KRT23: variants seen among roughly 807,000 people sequenced by gnomAD.
KRT23 encodes keratin, type I cytoskeletal 23.
In KRT23, 38 loss-of-function variants were observed where a neutral mutation model predicts 47.6. The ratio of observed to expected loss-of-function variants is 0.80; its 90% CI spans 0.62 to 1.05. The LOEUF is 1.05. Ranked by LOEUF, KRT23 falls within the 50% of genes least tolerant of loss-of-function variation. KRT23 has a pLI of 0.00. For synonymous variants in KRT23, 191 were observed against 199.0 expected (o/e 0.96, Z 0.34); for missense variants, 503 against 529.5 (o/e 0.95, Z 0.49).
chr17:40,928,713 G>T, intron 4 of KRT23, 106 bp from the exon 5 acceptor site: 1 of 1,045,116 alleles, frequency 9.6e-7, no homozygotes, highest in Non-Finnish European at 1.4e-6. Flanking sequence ...TTCCGATTAT[G>T]TGGTTGCTCC....
At chr17:40,936,175 C>T (rs756857881) in intron 2 of KRT23, 33 bp downstream of exon 2, 1 of 1,612,946 alleles carries the variant, frequency 6.2e-7, no homozygotes, top group Non-Finnish European at 8.5e-7. Flanking sequence ...AAAGCAGCCC[C>T]ATCTGGATCT....
At position 40,922,700 on chromosome 17, in the gene KRT23, G is replaced by A. The variant is rs1908995799; in HGVS notation, c.*289C>T. On this transcript the variant is annotated 3_prime_UTR_variant, in exon 9 of 9. Transcript: ENST00000209718. Reference sequence around the variant, plus strand: ...TGATATTAAAAAAAGACACGATGCAGCTAGTGCGGAGTTTTATTGGCTACA... The same window carrying A: ...TGATATTAAAAAAAGACACGATGCAACTAGTGCGGAGTTTTATTGGCTACA... 3.7e-6 allele frequency: 1 copy of A among 270,736 alleles called. No homozygotes were observed. Among genetic ancestry groups the A allele is most frequent in the Admixed American group, 5.3e-5 (1 of 18,956 alleles). The allele number at this position is 270,736 out of a possible 1,614,324, so 16.8% of individuals were successfully genotyped here.
In KRT23 at chr17:40,928,335, G is replaced by T; in HGVS notation, c.824C>A (p.Ala275Asp). The T allele has an allele frequency of 6.2e-7, 1 of 1,614,204 alleles. No homozygotes were observed. The highest frequency in any genetic ancestry group is 8.5e-7 in the Non-Finnish European group (1 of 1,180,034). Reference sequence around the variant, plus strand: ...TCTGCTCTGCACAGTGGCTGGACTGGCTGCCTCCTGGGACATGGCTGCAGA... The same window carrying T: ...TCTGCTCTGCACAGTGGCTGGACTGTCTGCCTCCTGGGACATGGCTGCAGA... ...EQSAAMSQEA[A>D]SPATVQSRQG... The change falls in exon 6 of 9, where the codon GCC becomes GAC. Residue 275 changes from alanine (A) to aspartate (D), a missense_variant. By Grantham distance (126) the Ala-to-Asp change is moderately radical. Transcript: ENST00000209718.
intron 2 of KRT23, 27 bp downstream of exon 2, chr17:40,936,181 G>T (rs1910051344): frequency 1.2e-6 from 2 of 1,613,236 alleles, no homozygotes; most frequent in Non-Finnish European, 1.7e-6. Flanking sequence ...GCCCCATCTG[G>T]ATCTCCAGGG....
At chr17:40,928,057 C>A (rs1909339361) in intron 6 of KRT23, among the ~76,000 whole-genome samples, 181 bp downstream of exon 6, 2 of 152,124 alleles carry the variant, frequency 1.3e-5, no homozygotes, top group Admixed American at 1.3e-4. Context: ...TGCCTGGCAC[C>A]ATCGGGACAC....
intron 6 of KRT23, 123 bp downstream of exon 6, chr17:40,928,115 G>T: frequency 2.5e-6 from 3 of 1,221,064 alleles, no homozygotes; most frequent in Non-Finnish European, 2.3e-6. Context: ...AAACAATTTG[G>T]ATGGAAAGTG....
In KRT23 at chr17:40,922,790, A is replaced by G. The variant is rs1909001362; in HGVS notation, c.*199T>C. ...GGAAAGTAGAGCTTTACCCTCATAA[A>G]CTCGCACTTTGATTAGAAAAGTGCA... On this transcript the variant is annotated 3_prime_UTR_variant, in exon 9 of 9. Coordinates refer to ENST00000209718, the MANE Select transcript of KRT23 (RefSeq NM_015515.5). 4.1e-6 allele frequency: 2 copies of G among 485,320 alleles called. No individual in the cohort carries two copies. Among genetic ancestry groups the G allele is most frequent in the Admixed American group, 7.4e-5 (2 of 26,908 alleles). 30.1% of individuals were successfully genotyped at this position (485,320 alleles called of 1,614,324 possible).
In KRT23 at chr17:40,924,489, G is replaced by C. The variant is rs1288823404; in HGVS notation, c.1157C>G (p.Ser386Ter). 6.2e-7 allele frequency: 1 copy of C among 1,612,898 alleles called. No individual in the cohort carries two copies. The highest frequency in any genetic ancestry group is 1.7e-5 in the Admixed American group (1 of 59,980). The change falls in exon 8 of 9, where the codon TCA becomes TGA. Residue 386 changes from serine (S) to a stop codon, truncating the protein, a stop_gained. Coordinates refer to ENST00000209718, the MANE Select transcript of KRT23 (RefSeq NM_015515.5). LOFTEE classifies it high-confidence loss of function. Reference sequence around the variant, plus strand: ...TTTTTTACCTTTCATGCTCGACTTTGATTCTTCCCGTGTCCTATAAAAGTG... The same window carrying C: ...TTTTTTACCTTTCATGCTCGACTTTCATTCTTCCCGTGTCCTATAAAAGTG... ...EGESEGTREE[S>*]KSSMKVSATP...
rs747642252 is a variant in KRT23, at chr17:40,925,329, C to A, written c.1142+25G>T. The A allele has an allele frequency of 4.4e-6, 7 of 1,599,504 alleles. No individual in the cohort carries two copies. The East Asian group carries it at 1.3e-4, about 31-fold the overall frequency. On this transcript the variant is annotated intron_variant, in intron 7 of 8. Transcript: ENST00000209718. ...AGGAGCTGGAGGTCCCTCGCATGCTCCTCTCGTGCCAGCCTTTGCCTTACC... is the reference window on the plus strand; with the variant it reads ...AGGAGCTGGAGGTCCCTCGCATGCTACTCTCGTGCCAGCCTTTGCCTTACC...
Position 40,930,050 on chromosome 17 carries a change from C to T in KRT23, c.526G>A (p.Glu176Lys), listed in dbSNP as rs1354811042. ...SFKKDLEIEV[E>K]GLRRTLDNLT... ...TTGTCTAAGGTCCTTCGGAGGCCCT[C>T]GACTTCAATTTCCAAGTCTTTCTTA... The change falls in exon 4 of 9, where the codon GAG becomes AAG. Residue 176 changes from glutamate (E) to lysine (K), a missense_variant. Transcript: ENST00000209718. The T allele has an allele frequency of 6.2e-6, 10 of 1,613,948 alleles. No homozygotes were observed. The highest frequency in any genetic ancestry group is 1.6e-4 in the Middle Eastern group (1 of 6,084).
At chr17:40,932,757 T>C (rs1597883824) in intron 2 of KRT23, among the ~76,000 whole-genome samples, 1 of 152,208 alleles carries the variant, frequency 6.6e-6, no homozygotes, top group African/African-American at 2.4e-5. Context: ...AAAGGCACCT[T>C]TTAAAAGTCT....
intron 3 of KRT23, 140 bp from the exon 4 acceptor site, chr17:40,930,236 A>G (rs1171130022): frequency 4.4e-6 from 3 of 688,960 alleles, no homozygotes; most frequent in African/African-American, 3.6e-5. Context: ...TGTCTTTTTT[A>G]TGCCAGTTTC....
intron 3 of KRT23, among the ~76,000 whole-genome samples, chr17:40,930,395 A>G (rs2143481992): frequency 6.6e-6 from 1 of 152,346 alleles, no homozygotes; most frequent in East Asian, 1.9e-4. Context: ...TTGCTGAAGT[A>G]TTTTAAAGCA....
intron 7 of KRT23, chr17:40,925,046 C>CT (rs1013042321): frequency 3.0e-4 from 113 of 375,522 alleles, no homozygotes; most frequent in Middle Eastern, 1.4e-3. Flanking sequence ...CCCCTGCCTT[C>CT]TTTTTTTTGG....
At position 40,923,151 on chromosome 17, in the gene KRT23, A is replaced by G. The variant is rs537238654; in HGVS notation, c.1175-68T>C. 1.3e-5 allele frequency: 16 copies of G among 1,229,820 alleles called. No homozygotes were observed. The East Asian group carries it at 3.0e-4, about 23-fold the overall frequency. 76.2% of individuals were successfully genotyped at this position (1,229,820 alleles called of 1,614,324 possible). On this transcript the variant is annotated intron_variant, in intron 8 of 8. Coordinates refer to ENST00000209718, the MANE Select transcript of KRT23 (RefSeq NM_015515.5). ...CACCATCTGAACTGTACTCATTTTC[A>G]TTTCTCTGCTGTCAGCCCCTGAAGG...
intron 2 of KRT23, among the ~76,000 whole-genome samples, chr17:40,932,663 A>G (rs1465974978): frequency 1.3e-5 from 2 of 152,232 alleles, no homozygotes; most frequent in Non-Finnish European, 2.9e-5. Context: ...GAGTCAGAGA[A>G]TCCTGGGTAA....
chr17:40,927,477 C>T (rs76010947), intron 6 of KRT23, among the ~76,000 whole-genome samples: 6,243 of 152,282 alleles, frequency 0.041, 162 homozygotes, highest in Middle Eastern at 0.065. Flanking sequence ...TACCCAAGTG[C>T]ACCTGCAACA....
intron 2 of KRT23, 53 bp from the exon 3 acceptor site, chr17:40,931,508 A>G: frequency 7.9e-7 from 1 of 1,273,850 alleles, no homozygotes; most frequent in Non-Finnish European, 1.1e-6. Flanking sequence ...ACACACCCAC[A>G]CATGACCGCT....
chr17:40,926,183 T>C (rs1184082085), intron 6 of KRT23, among the ~76,000 whole-genome samples: 1 of 152,212 alleles, frequency 6.6e-6, no homozygotes, highest in East Asian at 1.9e-4. Flanking sequence ...CAAATGAAGT[T>C]TCTGGGCTAG....
Sources: gnomAD v4.1 joint callset for allele counts (sites outside exome capture counted in the v4.1 genomes callset) on GRCh38, gnomAD v4.1.1 for gene constraint, MANE v1.5 for transcripts, NCBI Gene and HGNC (gene_info 2026-07-23, HGNC 2026-07-21) for gene names.